Variants in PCDH15 observed in about 807,000 individuals in gnomAD.
The protein encoded by PCDH15 is protocadherin related 15.
A neutral mutation model predicts 178.5 loss-of-function variants in PCDH15; 129 were observed. The observed-to-expected ratio is 0.72, with a 90% CI of 0.63 to 0.84. PCDH15 has a LOEUF of 0.84. Among genes scored for constraint, PCDH15 ranks in the 40% least tolerant of loss-of-function variants. PCDH15 has a pLI of 0.00. For missense variants in PCDH15, 2,230 were observed against 2,099.9 expected, an observed-to-expected ratio of 1.06 and a Z score of -1.21; for synonymous variants, 800 against 732.0, an observed-to-expected ratio of 1.09 and a Z score of -1.50.
At chr10:53,893,191 A>C (rs1341675587) in intron 26 of PCDH15, among the ~76,000 whole-genome samples, 1 of 152,142 alleles carries the variant, frequency 6.6e-6, no homozygotes, top group Non-Finnish European at 1.5e-5. Flanking sequence ...GAAAAAAAAA[A>C]TCTTCACATT....
intron 8 of PCDH15, among the ~76,000 whole-genome samples, chr10:54,244,189 A>G (rs1358696497): frequency 6.6e-6 from 1 of 152,162 alleles, no homozygotes; most frequent in Non-Finnish European, 1.5e-5. Context: ...TCTTTATTCT[A>G]CCAAGTATGT....
intron 3 of PCDH15, among the ~76,000 whole-genome samples, chr10:54,487,936 T>C (rs1180785646): frequency 1.3e-5 from 2 of 151,988 alleles, no homozygotes; most frequent in Non-Finnish European, 2.9e-5. Context: ...AAGCATTTTT[T>C]CTAAAATAAA....
intron 1 of PCDH15, among the ~76,000 whole-genome samples, chr10:55,175,708 AAAAAG>A (rs1160822065): frequency 5.9e-5 from 9 of 151,598 alleles, no homozygotes; most frequent in Non-Finnish European, 5.9e-5. Context: ...AAGAAAAAAG[AAAAAG>A]AAAAGAAAAG....
chr10:54,346,482 G>A lies in PCDH15; in HGVS notation c.477C>T (p.Leu159=), dbSNP rs748202818. 113 of 1,613,428 alleles carry A rather than the reference G, an allele frequency of 7.0e-5. No homozygotes were observed. The highest frequency in any genetic ancestry group is 9.5e-5 in the Non-Finnish European group (112 of 1,179,900). The stretch of plus-strand genomic sequence containing the variant: ...TGAATATTGTGGTACCAACTGGAGT[G>A]AGCTGAAAGGAAAAAAGATTTTAAA... ...HESYYATVNE[L]TPVGTTIFTG... Residue 159 remains leucine, a splice_region_variant and synonymous_variant, in exon 6 of 38, where the codon CTC becomes CTT. Coordinates refer to ENST00000644397, the MANE Select transcript of PCDH15 (RefSeq NM_001384140.1).
intron 1 of PCDH15, among the ~76,000 whole-genome samples, chr10:55,289,531 CA>C (rs1842957298): frequency 6.6e-6 from 1 of 151,364 alleles, no homozygotes; most frequent in Admixed American, 6.6e-5. Flanking sequence ...AAAAAAAGAC[CA>C]AAGGAAGAAG....
intron 2 of PCDH15, among the ~76,000 whole-genome samples, chr10:55,592,553 T>G (rs1564470993): frequency 6.6e-6 from 1 of 152,290 alleles, no homozygotes; most frequent in East Asian, 1.9e-4. Context: ...ACTGAGAGGT[T>G]CTAGACTATT....
rs890255109 is a variant in PCDH15, at chr10:54,905,654, C to T, written c.-79-8154G>A. ...GTAAGGCTTTTCAAGGAAACTAGGT[C>T]GTGAAAGAGAATATTGCTATAATCC... On this transcript the variant is annotated intron_variant, in intron 2 of 5. Coordinates refer to the PCDH15 transcript ENST00000458638. Among the ~76,000 whole-genome samples, 5 of 152,124 alleles carry T rather than the reference C, an allele frequency of 3.3e-5. No individual in the cohort carries two copies. In the East Asian group the frequency reaches 7.7e-4, roughly 24 times the overall value.
chr10:54,163,575 A>T (rs993566359), intron 13 of PCDH15, among the ~76,000 whole-genome samples: 1 of 152,068 alleles, frequency 6.6e-6, no homozygotes, highest in Admixed American at 6.6e-5. Context: ...TCAAGGTGAG[A>T]TTTGGGTGGG....
At chr10:55,513,103 A>G (rs2132154038) in intron 2 of PCDH15, 1 of 152,276 alleles carries the variant, frequency 6.6e-6, no homozygotes, top group Admixed American at 6.5e-5. Flanking sequence ...GTAATCGTTG[A>G]GCACATTTTA....
chr10:54,067,461 T>C (rs2094157735), intron 17 of PCDH15, among the ~76,000 whole-genome samples: 1 of 152,142 alleles, frequency 6.6e-6, no homozygotes, highest in Admixed American at 6.6e-5. Flanking sequence ...CTTACGGAAA[T>C]GGTATGCAGG....
chr10:53,853,386 T>C (rs2078518870), intron 28 of PCDH15, among the ~76,000 whole-genome samples: 2 of 151,976 alleles, frequency 1.3e-5, no homozygotes, highest in African/African-American at 4.8e-5. Context: ...ATGACACCAA[T>C]AGCACAGGAA....
At chr10:54,588,678 C>A (rs531364472) in intron 2 of PCDH15, among the ~76,000 whole-genome samples, 2 of 151,648 alleles carry the variant, frequency 1.3e-5, no homozygotes, top group African/African-American at 2.4e-5. Context: ...CCCACTCAAG[C>A]GATTTTCCCA....
chr10:54,898,543 A>G (rs1024588198), intron 2 of PCDH15, among the ~76,000 whole-genome samples: 3 of 152,166 alleles, frequency 2.0e-5, no homozygotes, highest in African/African-American at 7.2e-5. Flanking sequence ...TTCTCTCAAT[A>G]AGATAAAGAT....
chr10:54,860,330 T>C (rs1399233571), intron 3 of PCDH15, among the ~76,000 whole-genome samples: 1 of 152,080 alleles, frequency 6.6e-6, no homozygotes, highest in Non-Finnish European at 1.5e-5. Flanking sequence ...CCCCAGTGTC[T>C]ATTGTTCCCA....
chr10:54,450,130 AATATAT>A (rs10526141), intron 3 of PCDH15, among the ~76,000 whole-genome samples: 54,319 of 137,136 alleles, frequency 0.4, 11,727 homozygotes, highest in Middle Eastern at 0.53. Flanking sequence ...CTTTTTTATA[AATATAT>A]ATATATATAT....
intron 2 of PCDH15, among the ~76,000 whole-genome samples, chr10:54,583,664 A>C (rs1398547704): frequency 6.6e-6 from 1 of 152,148 alleles, no homozygotes; most frequent in Non-Finnish European, 1.5e-5. Context: ...ACTAAAAAAA[A>C]GTTCATATGC....
chr10:55,224,109 G>A (rs1840960784), intron 1 of PCDH15, among the ~76,000 whole-genome samples: 1 of 152,080 alleles, frequency 6.6e-6, no homozygotes, highest in Non-Finnish European at 1.5e-5. Context: ...GCTGAGGCAA[G>A]GAGATCATTT....
chr10:54,129,769 T>G (rs2042275008), intron 15 of PCDH15, among the ~76,000 whole-genome samples: 1 of 152,176 alleles, frequency 6.6e-6, no homozygotes, highest in African/African-American at 2.4e-5. Flanking sequence ...TGGAACCCTT[T>G]GTATACAAAA....
chr10:54,572,683 T>C (rs2089988324), intron 2 of PCDH15, among the ~76,000 whole-genome samples: 1 of 152,142 alleles, frequency 6.6e-6, no homozygotes, highest in African/African-American at 2.4e-5. Context: ...TCCATTACAC[T>C]GCTTCAAGTA....
Sources: gnomAD v4.1 joint callset for allele counts (sites outside exome capture counted in the v4.1 genomes callset) on GRCh38, gnomAD v4.1.1 for gene constraint, MANE v1.5 for transcripts, NCBI Gene and HGNC (gene_info 2026-07-23, HGNC 2026-07-21) for gene names.